CNTNAP5: variants seen among roughly 807,000 people sequenced by gnomAD.
CNTNAP5 encodes the protein contactin-associated protein-like 5.
CNTNAP5 carries 72 observed loss-of-function variants against 150.2 expected under a neutral mutation model. The ratio of observed to expected loss-of-function variants is 0.48; its 90% CI spans 0.40 to 0.58. CNTNAP5 has a LOEUF of 0.58. Ranked by LOEUF, CNTNAP5 falls within the 20% of genes least tolerant of loss-of-function variation. The probability of loss-of-function intolerance (pLI) is 0.00; values close to 1 mark genes in which losing one functional copy is unlikely to be tolerated. For missense variants in CNTNAP5, 1,636 were observed against 1,626.2 expected, an observed-to-expected ratio of 1.01 and a Z score of -0.10; for synonymous variants, 672 against 619.8, an observed-to-expected ratio of 1.08 and a Z score of -1.25.
chr2:124,158,178 T>G (rs1684589271), intron 1 of CNTNAP5, among the ~76,000 whole-genome samples: 1 of 152,170 alleles, frequency 6.6e-6, no homozygotes, highest in African/African-American at 2.4e-5. Context: ...CAATTTGGCC[T>G]TTTCTATTAC....
At chr2:124,319,295 TGA>T (rs1298378801) in intron 3 of CNTNAP5, among the ~76,000 whole-genome samples, 3 of 152,192 alleles carry the variant, frequency 2.0e-5, no homozygotes, top group Non-Finnish European at 4.4e-5. Context: ...CACATTGATA[TGA>T]TAAGTGGCAA....
chr2:124,430,635 G>T (rs1368232629), intron 4 of CNTNAP5, among the ~76,000 whole-genome samples: 1 of 152,190 alleles, frequency 6.6e-6, no homozygotes, highest in African/African-American at 2.4e-5. Context: ...CAATGCTGAG[G>T]TATGATGTTT....
intron 7 of CNTNAP5, among the ~76,000 whole-genome samples, chr2:124,503,551 C>T (rs889692714): frequency 3.3e-5 from 5 of 152,214 alleles, no homozygotes; most frequent in African/African-American, 1.2e-4. Flanking sequence ...ATCTACTCCT[C>T]ATCTATGTTA....
At chr2:124,662,144 A>C (rs2421093) in intron 13 of CNTNAP5, among the ~76,000 whole-genome samples, 84,363 of 151,966 alleles carry the variant, frequency 0.56, 24,000 homozygotes, top group Non-Finnish European at 0.62. Flanking sequence ...CATGTCCCTG[A>C]AAAGGACATG....
At chr2:124,730,932 G>T (rs757342248) in intron 13 of CNTNAP5, among the ~76,000 whole-genome samples, 1 of 151,984 alleles carries the variant, frequency 6.6e-6, no homozygotes, top group Admixed American at 6.6e-5. Flanking sequence ...TATTACTATC[G>T]TTATGCTGAT....
chr2:124,585,484 C>T (rs1181740253), intron 11 of CNTNAP5, among the ~76,000 whole-genome samples: 2 of 152,074 alleles, frequency 1.3e-5, no homozygotes, highest in Non-Finnish European at 2.9e-5. Flanking sequence ...AAATAGTTCT[C>T]TTTGGAATTT....
At chr2:124,275,767 A>G (rs574086900) in intron 3 of CNTNAP5, among the ~76,000 whole-genome samples, 8 of 152,150 alleles carry the variant, frequency 5.3e-5, no homozygotes, top group East Asian at 1.9e-4. Context: ...TTTGTCTACA[A>G]TCTCCAGTAT....
rs1200868849 is a variant in CNTNAP5, at chr2:124,672,076, C to G, written c.2077+24118C>G. On this transcript the variant is annotated intron_variant, in intron 13 of 23. Transcript: ENST00000682447. ...AAGAGAAATTTGTTTTACCTCCTCA[C>G]ATTTCTGAAGGCTGGAAACCAAGAC... Among the ~76,000 whole-genome samples, 3 of 152,320 alleles carry G rather than the reference C, an allele frequency of 2.0e-5. No homozygotes were observed. The East Asian group carries it at 5.8e-4, about 29-fold the overall frequency.
chr2:124,349,899 T>TTTTTG (rs1553460408), intron 3 of CNTNAP5, among the ~76,000 whole-genome samples: 1 of 115,294 alleles, frequency 8.7e-6, no homozygotes, highest in Non-Finnish European at 1.8e-5. Flanking sequence ...TTTTTTTTTT[T>TTTTTG]TTTGAGACAG....
intron 13 of CNTNAP5, among the ~76,000 whole-genome samples, chr2:124,738,606 C>G (rs764663629): frequency 6.6e-6 from 1 of 152,068 alleles, no homozygotes; most frequent in Non-Finnish European, 1.5e-5. Flanking sequence ...CGGCACACGC[C>G]TGTAGTCCCA....
intron 3 of CNTNAP5, among the ~76,000 whole-genome samples, chr2:124,245,935 G>A (rs948867918): frequency 1.3e-5 from 2 of 151,836 alleles, no homozygotes; most frequent in Non-Finnish European, 2.9e-5. Context: ...CTTAGAGATG[G>A]GTTCTCACTA....
At chr2:124,896,021 C>G (rs1321321524) in intron 21 of CNTNAP5, among the ~76,000 whole-genome samples, 1 of 151,504 alleles carries the variant, frequency 6.6e-6, no homozygotes, top group Non-Finnish European at 1.5e-5. Flanking sequence ...TGTGTGGCAA[C>G]CGGGCTTGCA....
At chr2:124,812,062 A>T (rs1394641719) in intron 19 of CNTNAP5, among the ~76,000 whole-genome samples, 54 of 59,698 alleles carry the variant, frequency 9.0e-4, no homozygotes, top group African/African-American at 3.5e-3. Flanking sequence ...TATATTATAT[A>T]ATATATAATT....
At chr2:124,369,229 T>C (rs997631173) in intron 3 of CNTNAP5, among the ~76,000 whole-genome samples, 2 of 152,082 alleles carry the variant, frequency 1.3e-5, no homozygotes, top group African/African-American at 4.8e-5. Context: ...TGCAGAGTCT[T>C]TGAATGCCTT....
Position 124,135,505 on chromosome 2 carries a change from T to A in CNTNAP5, c.83-86200T>A, listed in dbSNP as rs150676340. On this transcript the variant is annotated intron_variant, in intron 1 of 23. Coordinates refer to ENST00000682447, the MANE Select transcript of CNTNAP5 (RefSeq NM_001367498.1). ...AGTAAGAATGGGCTTCAAGAAAGAC[T>A]AGGAAAAAAAAATTAGAAAAGGAAC... Among the ~76,000 whole-genome samples, 3 of 152,072 alleles carry A rather than the reference T, an allele frequency of 2.0e-5. No homozygotes were observed. The East Asian group carries it at 5.8e-4, about 29-fold the overall frequency.
At chr2:124,356,223 TA>T (rs1689999726) in intron 3 of CNTNAP5, among the ~76,000 whole-genome samples, 1 of 151,538 alleles carries the variant, frequency 6.6e-6, no homozygotes, top group South Asian at 2.1e-4. Flanking sequence ...CTGCTTCTAC[TA>T]AAATATGGAC....
At chr2:124,815,426 G>A (rs549915577) in intron 19 of CNTNAP5, among the ~76,000 whole-genome samples, 1 of 152,286 alleles carries the variant, frequency 6.6e-6, no homozygotes, top group South Asian at 2.1e-4. Flanking sequence ...AAAGCTGAAG[G>A]CTTTGTCATG....
chr2:124,589,481 G>A (rs975946305), intron 11 of CNTNAP5, among the ~76,000 whole-genome samples: 4 of 152,106 alleles, frequency 2.6e-5, no homozygotes, highest in African/African-American at 7.2e-5. Flanking sequence ...TAATGGACAT[G>A]CATATGTCAG....
At chr2:124,597,107 C>T (rs1365483062) in intron 11 of CNTNAP5, among the ~76,000 whole-genome samples, 4 of 150,734 alleles carry the variant, frequency 2.7e-5, no homozygotes, top group Non-Finnish European at 1.5e-5. Flanking sequence ...ATTTGCCAGT[C>T]TGTGTCTTTT....
Sources: gnomAD v4.1 joint callset for allele counts (sites outside exome capture counted in the v4.1 genomes callset) on GRCh38, gnomAD v4.1.1 for gene constraint, MANE v1.5 for transcripts, NCBI Gene and HGNC (gene_info 2026-07-23, HGNC 2026-07-21) for gene names.